EMC3: variants seen among roughly 807,000 people sequenced by gnomAD.
The protein encoded by EMC3 is 30 kDa protein.
Under a neutral mutation model 36.6 loss-of-function variants are expected in EMC3, and 13 were observed. The observed-to-expected ratio is 0.35, with a 90% CI of 0.23 to 0.56. The LOEUF (loss-of-function observed/expected upper bound fraction) is 0.56, where lower values mean the gene tolerates loss of function less well. EMC3 is among the 20% of genes least tolerant of loss of function. The pLI is 0.84. For missense variants in EMC3, 220 were observed against 324.5 expected, an observed-to-expected ratio of 0.68 and a Z score of 2.47; for synonymous variants, 120 against 111.9, an observed-to-expected ratio of 1.07 and a Z score of -0.46.
chr3:9,977,359 G>A, intron 2 of EMC3, 30 bp downstream of exon 2: 1 of 1,593,578 alleles, frequency 6.3e-7, no homozygotes. Flanking sequence ...AGTGAATCGT[G>A]GAGCTTTTTA....
At chr3:10,007,361 C>A (rs1354948679) in intron 1 of EMC3, 1 of 1,359,670 alleles carries the variant, frequency 7.4e-7, no homozygotes, top group African/African-American at 1.5e-5. Flanking sequence ...GAGAGGTCCC[C>A]AGGAGGATCC....
intron 1 of EMC3, among the ~76,000 whole-genome samples, chr3:9,979,212 C>A (rs1240962265): frequency 6.6e-6 from 1 of 152,178 alleles, no homozygotes; most frequent in African/African-American, 2.4e-5. Flanking sequence ...GTGGTGAATG[C>A]TAGTCTGTGA....
chr3:9,973,795 C>T (rs1259252461), intron 4 of EMC3, 86 bp from the exon 5 acceptor site: 2 of 1,264,690 alleles, frequency 1.6e-6, no homozygotes, highest in Non-Finnish European at 2.3e-6. Context: ...GGTGGGAACT[C>T]TGTGCCACAT....
In EMC3 at chr3:9,998,918, C is replaced by T. The variant is rs893204625; in HGVS notation, c.-241-12016G>A. Among the ~76,000 whole-genome samples, 33 of 151,940 alleles carry T rather than the reference C, an allele frequency of 2.2e-4. 1 individual carries two copies. The highest frequency in any genetic ancestry group is 1.8e-4 in the Non-Finnish European group (12 of 67,990). On this transcript the variant is annotated intron_variant, in intron 1 of 8. Coordinates refer to the EMC3 transcript ENST00000470827. ...ACCACAGGTGCGCACCATGGTGCCCCGCTAATTTTTTGCAATTTTGGTAGA... is the reference window on the plus strand; with the variant it reads ...ACCACAGGTGCGCACCATGGTGCCCTGCTAATTTTTTGCAATTTTGGTAGA...
At chr3:9,979,541 G>C (rs1385588544) in intron 1 of EMC3, among the ~76,000 whole-genome samples, 2 of 152,208 alleles carry the variant, frequency 1.3e-5, no homozygotes, top group Non-Finnish European at 2.9e-5. Flanking sequence ...TACAAGGGTA[G>C]ATTTATTCTT....
At chr3:9,966,469 C>T (rs960165222) in intron 7 of EMC3, among the ~76,000 whole-genome samples, 3 of 152,106 alleles carry the variant, frequency 2.0e-5, no homozygotes, top group Non-Finnish European at 4.4e-5. Flanking sequence ...GATCCACCCA[C>T]CTCAGCCTCC....
At chr3:9,994,315 T>C in intron 1 of EMC3, 7 of 927,348 alleles carry the variant, frequency 7.5e-6, no homozygotes, top group Non-Finnish European at 1.2e-5. Flanking sequence ...TGACACATAC[T>C]GCCAGCAGGT....
chr3:9,975,685 G>A (rs1413075357), intron 3 of EMC3, among the ~76,000 whole-genome samples: 1 of 151,960 alleles, frequency 6.6e-6, no homozygotes, highest in Non-Finnish European at 1.5e-5. Context: ...GGTGGCAGGT[G>A]CCTGTAATCT....
At chr3:9,970,771 G>C (rs1204862180) in intron 5 of EMC3, 110 bp from the exon 6 acceptor site, 1 of 981,578 alleles carries the variant, frequency 1.0e-6, no homozygotes, top group African/African-American at 1.6e-5. Flanking sequence ...AAGTCACCTT[G>C]GATGGGCTAT....
At chr3:9,977,357 G>A (rs540195779) in intron 2 of EMC3, 32 bp downstream of exon 2, 31 of 1,591,284 alleles carry the variant, frequency 1.9e-5, no homozygotes, top group African/African-American at 4.0e-5. Context: ...ACAGTGAATC[G>A]TGGAGCTTTT....
At chr3:9,996,908 T>C (rs1016956633) in intron 1 of EMC3, among the ~76,000 whole-genome samples, 9 of 152,222 alleles carry the variant, frequency 5.9e-5, no homozygotes, top group African/African-American at 1.9e-4. Context: ...ATAAAGTTTC[T>C]TCATTATTTA....
intron 3 of EMC3, among the ~76,000 whole-genome samples, chr3:9,976,504 C>T (rs1300678560): frequency 6.6e-6 from 1 of 152,182 alleles, no homozygotes; most frequent in Non-Finnish European, 1.5e-5. Flanking sequence ...CAAACAATCA[C>T]GTCTAACAAC....
intron 7 of EMC3, chr3:9,969,396 T>C (rs2085762757): frequency 8.4e-7 from 1 of 1,191,950 alleles, no homozygotes; most frequent in African/African-American, 1.6e-5. Context: ...GCAATTTATA[T>C]CTGATGTCTA....
intron 3 of EMC3, among the ~76,000 whole-genome samples, chr3:9,976,691 G>C (rs2085853524): frequency 6.6e-6 from 1 of 152,120 alleles, no homozygotes; most frequent in Admixed American, 6.6e-5. Flanking sequence ...GAGAGACCCA[G>C]GGACAATAGC....
At chr3:9,990,325 CTTTTTTTTTTTTTT>C (rs4020037), upstream of EMC3, among the ~76,000 whole-genome samples, 1 of 88,708 alleles carries the variant, frequency 1.1e-5, no homozygotes, top group African/African-American at 5.8e-5. Context: ...GGGCCTTTCT[CTTTTTTTTTTTTTT>C]TTTTTTTTTT....
chr3:10,002,900 C>A, intron 1 of EMC3: 1 of 456,756 alleles, frequency 2.2e-6, no homozygotes. Context: ...ATGGCCTTCC[C>A]CTCCACCCAG....
rs141633881 is a variant in EMC3 at position 9,986,634 on chromosome 3, A to C, written c.28T>G (p.Ser10Ala). The C allele has an allele frequency of 6.2e-6, 10 of 1,613,996 alleles. No homozygotes were observed. The African/African-American group carries it at 1.3e-4, about 22-fold the overall frequency. MAGPELLLD[S>A]NIRLWVVLPI... ...AGGACCACCCAGAGGCGGATGTTGG[A>C]GTCGAGCAACAGTTCTGGCCCTGCC... The change falls in exon 1 of 8, where the codon TCC becomes GCC. Residue 10 changes from serine (S) to alanine (A), a missense_variant. Ser to Ala is a moderately conservative substitution (Grantham distance 99). Around this residue, in one of 3 missense-constraint regions of EMC3, gnomAD observed 127 missense variants for 174.6 expected, o/e 0.73. Transcript: ENST00000245046.
At chr3:10,008,901 GTC>G (rs906636672) in intron 1 of EMC3, 1 of 172,240 alleles carries the variant, frequency 5.8e-6, no homozygotes, top group Non-Finnish European at 1.3e-5. Context: ...CCCGAGGTGT[GTC>G]TGCAGAGCAT....
At chr3:9,967,659 A>G (rs528397324) in intron 7 of EMC3, among the ~76,000 whole-genome samples, 7 of 152,298 alleles carry the variant, frequency 4.6e-5, no homozygotes, top group African/African-American at 1.4e-4. Context: ...TAAGTTATTC[A>G]ATTTTGCCAA....
Sources: allele counts gnomAD v4.1 joint callset (sites outside exome capture counted in the v4.1 genomes callset), GRCh38; gene constraint gnomAD v4.1.1; regional missense constraint gnomAD v4.1.1; transcripts MANE v1.5; gene names NCBI Gene and HGNC (gene_info 2026-07-23, HGNC 2026-07-21).